The following IQCK variants were observed in gnomAD, a reference collection of about 807,000 sequenced individuals.
IQCK encodes IQ domain-containing protein K.
Under a neutral mutation model 28.1 loss-of-function variants are expected in IQCK, and 29 were observed. The observed-to-expected ratio is 1.03, with a 90% CI of 0.77 to 1.41. The LOEUF is 1.41. Ranked by LOEUF, IQCK falls within the 40% of genes most tolerant of loss-of-function variation. IQCK has a pLI of 0.00. For missense variants in IQCK, 359 were observed against 314.7 expected (o/e 1.14, Z -1.07); for synonymous variants, 113 against 115.1 (o/e 0.98, Z 0.12).
chr16:19,835,163 A>G (rs1489260818), intron 9 of IQCK, among the ~76,000 whole-genome samples: 1 of 152,112 alleles, frequency 6.6e-6, no homozygotes, highest in Non-Finnish European at 1.5e-5. Context: ...GCTACTTGGA[A>G]GGCTGAGGCA....
chr16:19,757,724 A>G (rs2055072982), intron 4 of IQCK, among the ~76,000 whole-genome samples: 1 of 152,148 alleles, frequency 6.6e-6, no homozygotes, highest in Non-Finnish European at 1.5e-5. Flanking sequence ...TTATGATGGT[A>G]TTTTCCTCCT....
chr16:19,790,733 C>T (rs950181600), intron 7 of IQCK, among the ~76,000 whole-genome samples: 2 of 104,940 alleles, frequency 1.9e-5, no homozygotes, highest in Non-Finnish European at 3.3e-5. Context: ...ATGGTACATT[C>T]CAGAAACCAT....
intron 7 of IQCK, among the ~76,000 whole-genome samples, chr16:19,817,742 TA>T (rs763189703): frequency 2.2e-4 from 33 of 152,208 alleles, no homozygotes; most frequent in Non-Finnish European, 4.1e-4. Context: ...CTTAAAATTT[TA>T]AACAGTTCTT....
intron 6 of IQCK, among the ~76,000 whole-genome samples, chr16:19,767,500 C>T (rs978939888): frequency 2.0e-5 from 3 of 152,052 alleles, no homozygotes; most frequent in Admixed American, 6.6e-5. Flanking sequence ...AACTCAGCCT[C>T]GTCCTGCCAG....
intron 7 of IQCK, among the ~76,000 whole-genome samples, chr16:19,802,749 A>G (rs964679125): frequency 2.6e-5 from 4 of 152,190 alleles, no homozygotes; most frequent in South Asian, 2.1e-4. Flanking sequence ...ATGGAGTCAT[A>G]CATCATGTAG....
chr16:19,741,456 T>C (rs2054833417), intron 4 of IQCK, among the ~76,000 whole-genome samples: 1 of 152,208 alleles, frequency 6.6e-6, no homozygotes, highest in South Asian at 2.1e-4. Flanking sequence ...GTTTCCAGCC[T>C]GTAAGCAGTG....
intron 7 of IQCK, among the ~76,000 whole-genome samples, chr16:19,806,103 G>A (rs186754376): frequency 1.3e-5 from 2 of 152,280 alleles, no homozygotes; most frequent in African/African-American, 4.8e-5. Context: ...CTGAGAAGGT[G>A]TTATTTGATC....
intron 4 of IQCK, among the ~76,000 whole-genome samples, chr16:19,739,333 G>A (rs1338256459): frequency 2.0e-5 from 3 of 152,138 alleles, no homozygotes; most frequent in Non-Finnish European, 4.4e-5. Context: ...ATTGAACCTG[G>A]GAAGACCATA....
At chr16:19,737,678 G>A (rs2054776530) in intron 4 of IQCK, among the ~76,000 whole-genome samples, 1 of 152,102 alleles carries the variant, frequency 6.6e-6, no homozygotes, top group African/African-American at 2.4e-5. Context: ...AGCTTTCAAG[G>A]CTCTGCCTAG....
chr16:19,857,627 A>C lies in IQCK; in HGVS notation c.*1079A>C, dbSNP rs904533925. On this transcript the variant is annotated 3_prime_UTR_variant, in exon 10 of 10. Transcript: ENST00000320394. ...TCATCATTGCATCATTGGATTATAA[A>C]AGCCACAATGCTCCCTTTCAACTTG... 3 of 293,904 alleles carry C rather than the reference A, an allele frequency of 1.0e-5. No homozygotes were observed. The Admixed American group carries it at 1.5e-4, about 15-fold the overall frequency. 18.2% of individuals were successfully genotyped at this position (293,904 alleles called of 1,614,324 possible).
chr16:19,719,371 C>T (rs1977398552), intron 1 of IQCK, among the ~76,000 whole-genome samples: 1 of 151,868 alleles, frequency 6.6e-6, no homozygotes, highest in South Asian at 2.1e-4. Context: ...TTCGTGTGGC[C>T]ACCATCACTA....
rs541688982 is a variant in IQCK at position 19,756,145 on chromosome 16, C to G, written c.475-7703C>G. The stretch of plus-strand genomic sequence containing the variant: ...GCTGCAGTGAGCCTTGATTGTGCCA[C>G]TGCACTCCAGCCTGGGTGATAGTGT... On this transcript the variant is annotated intron_variant, in intron 4 of 7. Transcript: ENST00000564186. Among the ~76,000 whole-genome samples, 62 of 152,324 alleles carry G rather than the reference C, an allele frequency of 4.1e-4. 1 individual carries two copies. The highest frequency in any genetic ancestry group is 1.3e-3 in the African/African-American group (54 of 41,572).
In IQCK at chr16:19,763,846, A is replaced by C. The variant is rs748558332; in HGVS notation, c.475-2A>C. ...TAATTTAATTATCTCTTCTCTCTTC[A>C]GAGGAAAAGAACCAAATTCATTGCC... On this transcript the variant is annotated splice_acceptor_variant, in intron 4 of 7. Coordinates refer to ENST00000564186, the Ensembl canonical transcript of IQCK. LOFTEE classifies it high-confidence loss of function. 32 of 1,609,504 alleles carry C rather than the reference A, an allele frequency of 2.0e-5. No homozygotes were observed. In the African/African-American group the frequency reaches 4.0e-4, roughly 20 times the overall value.
At chr16:19,827,050 G>A in exon 8 of IQCK, 1 of 1,614,064 alleles carries the variant, frequency 6.2e-7, no homozygotes, top group Non-Finnish European at 8.5e-7. Flanking sequence ...TGAGATTCAA[G>A]AACTGCGTCA....
In IQCK at chr16:19,809,172, A is replaced by C. The variant is rs2055870867; in HGVS notation, c.691-17854A>C. ...ACACCCAGCCACATCCTTTTCTTTT[A>C]AGGGCTAACCAGTTTCCCTCCAGGG... On this transcript the variant is annotated intron_variant, in intron 7 of 7. Coordinates refer to ENST00000564186, the Ensembl canonical transcript of IQCK. Among the ~76,000 whole-genome samples, 2 of 152,194 alleles carry C rather than the reference A, an allele frequency of 1.3e-5. 1 individual carries two copies. Among genetic ancestry groups the C allele is most frequent in the African/African-American group, 4.8e-5 (2 of 41,438 alleles).
At chr16:19,785,871 G>A (rs1597558647) in intron 6 of IQCK, among the ~76,000 whole-genome samples, 1 of 152,144 alleles carries the variant, frequency 6.6e-6, no homozygotes, top group Non-Finnish European at 1.5e-5. Context: ...ATAAATCCCT[G>A]CTTTTGTTCT....
intron 1 of IQCK, among the ~76,000 whole-genome samples, chr16:19,728,507 C>T (rs373278087): frequency 5.9e-5 from 9 of 152,140 alleles, no homozygotes; most frequent in East Asian, 5.8e-4. Flanking sequence ...ACCTTGGCCT[C>T]GTAAAGTGCT....
At chr16:19,828,069 C>T (rs558930041), downstream of IQCK, among the ~76,000 whole-genome samples, 4 of 150,834 alleles carry the variant, frequency 2.7e-5, no homozygotes, top group Non-Finnish European at 5.9e-5. Context: ...TGCTCCACCA[C>T]GCCTGGGTAA....
intron 7 of IQCK, among the ~76,000 whole-genome samples, chr16:19,805,795 G>A (rs1597575304): frequency 1.3e-5 from 2 of 151,808 alleles, no homozygotes; most frequent in South Asian, 4.2e-4. Context: ...CCACATGGGA[G>A]ACAGAGTTAT....
Sources: allele counts gnomAD v4.1 joint callset (sites outside exome capture counted in the v4.1 genomes callset), GRCh38; gene constraint gnomAD v4.1.1; transcripts MANE v1.5; gene names NCBI Gene and HGNC (gene_info 2026-07-23, HGNC 2026-07-21).